VKORC1L1: variants seen among roughly 807,000 people sequenced by gnomAD.
The protein encoded by VKORC1L1 is vitamin K epoxide reductase complex subunit 1-like protein 1.
In VKORC1L1, 2 loss-of-function variants were observed where a neutral mutation model predicts 18.9. That is an observed-to-expected ratio of 0.11 (90% CI 0.04 to 0.33). VKORC1L1 has a LOEUF of 0.33. Ranked by LOEUF, VKORC1L1 falls within the 10% of genes least tolerant of loss-of-function variation. VKORC1L1 has a pLI of 1.00. For synonymous variants in VKORC1L1, 96 were observed against 100.0 expected, an observed-to-expected ratio of 0.96 and a Z score of 0.24; for missense variants, 123 against 224.1, an observed-to-expected ratio of 0.55 and a Z score of 2.88.
At chr7:65,926,649 C>T (rs764221052) in intron 1 of VKORC1L1, among the ~76,000 whole-genome samples, 1 of 152,212 alleles carries the variant, frequency 6.6e-6, no homozygotes, top group Non-Finnish European at 1.5e-5. Flanking sequence ...GACACCTGCA[C>T]ATGCATGTTT....
At chr7:65,926,747 A>G (rs1301936052) in intron 1 of VKORC1L1, among the ~76,000 whole-genome samples, 2 of 152,214 alleles carry the variant, frequency 1.3e-5, no homozygotes, top group African/African-American at 2.4e-5. Context: ...TGTGGTATAT[A>G]TACATCAGGG....
chr7:65,879,029 G>A (rs547031340), intron 1 of VKORC1L1, among the ~76,000 whole-genome samples: 3 of 152,012 alleles, frequency 2.0e-5, no homozygotes, highest in South Asian at 2.1e-4. Flanking sequence ...CAGTTCTCCC[G>A]CTCAGTAGAC....
intron 1 of VKORC1L1, among the ~76,000 whole-genome samples, chr7:65,913,909 C>T (rs750463884): frequency 6.6e-6 from 1 of 151,920 alleles, no homozygotes; most frequent in Non-Finnish European, 1.5e-5. Flanking sequence ...GGCCTCCCTC[C>T]AGTACTAGGT....
rs1034541695 is a variant in VKORC1L1, at chr7:65,958,216, T to C, written c.*3916T>C. ...GGAGCCCCGGCTACTTGGTTAAACA[T>C]TTTTTACTACAAATTCGCCCAGAAA... On this transcript the variant is annotated 3_prime_UTR_variant, in exon 3 of 3. Coordinates refer to ENST00000360768, the MANE Select transcript of VKORC1L1 (RefSeq NM_173517.6). 3.3e-5 allele frequency: 5 copies of C among 152,248 alleles called. No homozygotes were observed. Among genetic ancestry groups the C allele is most frequent in the African/African-American group, 1.2e-4 (5 of 41,460 alleles). 9.4% of individuals were successfully genotyped at this position (152,248 alleles called of 1,614,324 possible).
At chr7:65,907,086 C>T (rs1228093048) in intron 1 of VKORC1L1, among the ~76,000 whole-genome samples, 1 of 152,046 alleles carries the variant, frequency 6.6e-6, no homozygotes, top group Admixed American at 6.6e-5. Context: ...GATAAGACTG[C>T]TAGAGACTCA....
chr7:65,953,737 G>A (rs1442252770), intron 2 of VKORC1L1, among the ~76,000 whole-genome samples: 1 of 152,022 alleles, frequency 6.6e-6, no homozygotes, highest in African/African-American at 2.4e-5. Flanking sequence ...GTGGTGGCAC[G>A]TGCCTGTAAT....
At chr7:65,926,242 G>A (rs911732413) in intron 1 of VKORC1L1, among the ~76,000 whole-genome samples, 5 of 151,838 alleles carry the variant, frequency 3.3e-5, no homozygotes, top group Non-Finnish European at 5.9e-5. Flanking sequence ...TGCAACCTCC[G>A]CCTCCTGGGT....
At chr7:65,902,475 G>A (rs1789334755) in intron 1 of VKORC1L1, among the ~76,000 whole-genome samples, 1 of 152,130 alleles carries the variant, frequency 6.6e-6, no homozygotes, top group African/African-American at 2.4e-5. Context: ...TGGAAACATT[G>A]ATAGAGCATC....
chr7:65,935,915 C>A (rs1789934994), intron 1 of VKORC1L1, among the ~76,000 whole-genome samples: 1 of 151,790 alleles, frequency 6.6e-6, no homozygotes, highest in African/African-American at 2.4e-5. Flanking sequence ...AATGTTAGAC[C>A]TTTTGATACT....
Position 65,873,293 on chromosome 7 carries a change from T to TGGC in VKORC1L1, c.-75_-73dup. ...GCGGCGGAGGCGGCGGTGGCGGCGG[T>TGGC]GGCGGCTGGGTCGGGCCCCGACGGG... On this transcript the variant is annotated 5_prime_UTR_variant, in exon 1 of 3. Transcript: ENST00000360768. 3.9e-6 allele frequency: 4 copies of TGGC among 1,020,438 alleles called. No individual in the cohort carries two copies. The highest frequency in any genetic ancestry group is 4.7e-6 in the Non-Finnish European group (4 of 860,102). 63.2% of individuals were successfully genotyped at this position (1,020,438 alleles called of 1,614,324 possible). A position where few individuals can be genotyped will look rare whatever the true frequency, so the allele number is the denominator to read the frequency against.
chr7:65,868,885 A>G (rs1193449645), upstream of VKORC1L1, among the ~76,000 whole-genome samples: 3 of 152,104 alleles, frequency 2.0e-5, no homozygotes, highest in Non-Finnish European at 4.4e-5. Flanking sequence ...GGCTACACAC[A>G]AAGCCCAGAC....
In VKORC1L1 at chr7:65,873,502, C is replaced by T. The variant is rs749736335; in HGVS notation, c.131C>T (p.Pro44Leu). The change falls in exon 1 of 3, where the codon CCC (proline) becomes CTC (leucine). Residue 44 changes from proline to leucine, a missense_variant. Pro to Leu is a moderately conservative substitution (Grantham distance 98, BLOSUM62 -3). Around this residue, in one of 4 missense-constraint regions of VKORC1L1, gnomAD observed 60 missense variants for 76.9 expected, o/e 0.78. Coordinates refer to ENST00000360768, the MANE Select transcript of VKORC1L1 (RefSeq NM_173517.6). ...GTGGAGCGGGAGAAGGAGCGGGACC[C>T]CGAGCACCGGGCCCTCTGCGACCTG... ...YHVEREKERD[P>L]EHRALCDLGP... 1.3e-6 allele frequency: 2 copies of T among 1,593,444 alleles called. No individual in the cohort carries two copies. Among genetic ancestry groups the T allele is most frequent in the East Asian group, 2.3e-5 (1 of 43,328 alleles).
chr7:65,884,666 A>G lies in VKORC1L1; in HGVS notation c.194+11101A>G, dbSNP rs577807175. Among the ~76,000 whole-genome samples, 129 of 152,262 alleles carry G rather than the reference A, an allele frequency of 8.5e-4. 1 individual carries two copies. In the South Asian group the frequency reaches 0.012, roughly 15 times the overall value. On this transcript the variant is annotated intron_variant, in intron 1 of 2. Coordinates refer to ENST00000360768, the MANE Select transcript of VKORC1L1 (RefSeq NM_173517.6). ...AAGAAAATATTACCACTATTTTCCCATGTTGTTAAAAATTCCACCAGTAAT... is the reference window on the plus strand; with the variant it reads ...AAGAAAATATTACCACTATTTTCCCGTGTTGTTAAAAATTCCACCAGTAAT...
chr7:65,902,855 A>T (rs778547589), intron 1 of VKORC1L1, among the ~76,000 whole-genome samples: 4 of 103,734 alleles, frequency 3.9e-5, no homozygotes, highest in Admixed American at 1.1e-4. Context: ...CTTTAATTTT[A>T]TTTATTTATT....
chr7:65,905,261 CTAGA>C (rs1439882388), intron 1 of VKORC1L1, among the ~76,000 whole-genome samples: 3 of 152,052 alleles, frequency 2.0e-5, no homozygotes, highest in African/African-American at 7.2e-5. Flanking sequence ...TTGTTTCAGT[CTAGA>C]TAATTTGTCA....
At chr7:65,876,233 A>G (rs1319239823) in intron 1 of VKORC1L1, among the ~76,000 whole-genome samples, 1 of 152,222 alleles carries the variant, frequency 6.6e-6, no homozygotes, top group African/African-American at 2.4e-5. Flanking sequence ...ACAATTTGAA[A>G]GAACAGAATC....
At chr7:65,901,433 G>A (rs2116392897) in intron 1 of VKORC1L1, among the ~76,000 whole-genome samples, 1 of 152,304 alleles carries the variant, frequency 6.6e-6, no homozygotes, top group Non-Finnish European at 1.5e-5. Flanking sequence ...AGCAGTGATA[G>A]AATAACAAGG....
chr7:65,917,869 C>G (rs1434763004), intron 1 of VKORC1L1, among the ~76,000 whole-genome samples: 2 of 152,054 alleles, frequency 1.3e-5, no homozygotes, highest in Non-Finnish European at 2.9e-5. Context: ...CTAAGTAAGC[C>G]AAAACTCTGT....
intron 1 of VKORC1L1, among the ~76,000 whole-genome samples, chr7:65,879,089 G>A (rs575271383): frequency 6.6e-6 from 1 of 152,066 alleles, no homozygotes; most frequent in South Asian, 2.1e-4. Flanking sequence ...ACATCCACGT[G>A]ACCATATGAT....
Sources: gnomAD v4.1 joint callset for allele counts (sites outside exome capture counted in the v4.1 genomes callset) on GRCh38, gnomAD v4.1.1 for gene constraint, gnomAD v4.1.1 regional missense constraint, MANE v1.5 for transcripts, NCBI Gene and HGNC (gene_info 2026-07-23, HGNC 2026-07-21) for gene names.